VAV2: variants seen among roughly 807,000 people sequenced by gnomAD.
The protein encoded by VAV2 is vav guanine nucleotide exchange factor 2.
VAV2 carries 67 observed loss-of-function variants against 132.5 expected under a neutral mutation model. The ratio of observed to expected loss-of-function variants is 0.51; its 90% CI spans 0.42 to 0.62. The LOEUF is 0.62. Among genes scored for constraint, VAV2 ranks in the 20% least tolerant of loss-of-function variants. The pLI is 0.00. For synonymous variants in VAV2, 492 were observed against 443.5 expected, an observed-to-expected ratio of 1.11 and a Z score of -1.37; for missense variants, 938 against 1,153.6, an observed-to-expected ratio of 0.81 and a Z score of 2.71.
chr9:133,962,285 A>T (rs997507752), intron 1 of VAV2, among the ~76,000 whole-genome samples: 5 of 152,096 alleles, frequency 3.3e-5, no homozygotes, highest in Non-Finnish European at 5.9e-5. Context: ...GGGAAGCCCC[A>T]TCTTCTAGGA....
intron 2 of VAV2, among the ~76,000 whole-genome samples, chr9:133,894,497 C>T (rs895130248): frequency 4.6e-5 from 7 of 152,186 alleles, no homozygotes; most frequent in African/African-American, 7.2e-5. Context: ...GGAGAGGCCC[C>T]CAGAAACCCC....
At chr9:133,914,455 C>T (rs747284364) in intron 2 of VAV2, among the ~76,000 whole-genome samples, 2 of 149,910 alleles carry the variant, frequency 1.3e-5, no homozygotes, top group African/African-American at 2.5e-5. Flanking sequence ...GAACGAAGCG[C>T]TGACTTAGTG....
At chr9:133,933,994 G>A (rs1840807908) in intron 2 of VAV2, among the ~76,000 whole-genome samples, 1 of 149,664 alleles carries the variant, frequency 6.7e-6, no homozygotes, top group Admixed American at 6.6e-5. Flanking sequence ...GTGAATGGGT[G>A]GGTAGATGGA....
chr9:133,801,087 C>T (rs757958829), intron 9 of VAV2, among the ~76,000 whole-genome samples: 7 of 152,220 alleles, frequency 4.6e-5, no homozygotes, highest in South Asian at 2.1e-4. Flanking sequence ...GCACCCAGCC[C>T]GGAGCCTGCC....
At chr9:133,986,711 A>T (rs7031860) in intron 1 of VAV2, among the ~76,000 whole-genome samples, 1 of 152,012 alleles carries the variant, frequency 6.6e-6, no homozygotes, top group African/African-American at 2.4e-5. Context: ...TATCCCCCCC[A>T]AAAAAAGAAA....
At position 133,769,550 on chromosome 9, in the gene VAV2, C is replaced by T. The variant is rs752388589; in HGVS notation, c.2348-47G>A. 52 of 1,563,528 alleles carry T rather than the reference C, an allele frequency of 3.3e-5. No homozygotes were observed. The highest frequency in any genetic ancestry group is 9.4e-5 in the South Asian group (8 of 85,548). On this transcript the variant is annotated intron_variant, in intron 27 of 29. Coordinates refer to ENST00000371850, the MANE Select transcript of VAV2 (RefSeq NM_001134398.2). The surrounding 1 kb of genome is among the most constrained non-coding windows in gnomAD (Gnocchi z 8.1). The stretch of plus-strand genomic sequence containing the variant: ...CGTGAGGCGGGCAGCAGGGCATCCA[C>T]GCACAGTCACGGTGGGCACAGCTAC...
rs1435567601 is a variant in VAV2, at chr9:133,918,844, C to T, written c.321+20259G>A. ...AGGCTGAAGTGCAGTGGTGCGATCT[C>T]GGCTCACTGCAACCTCCGCCTCCTG... On this transcript the variant is annotated intron_variant, in intron 2 of 29. Coordinates refer to ENST00000371850, the MANE Select transcript of VAV2 (RefSeq NM_001134398.2). The surrounding 1 kb of genome is among the most constrained non-coding windows in gnomAD (Gnocchi z 4.7). Among the ~76,000 whole-genome samples, 1 of 152,032 alleles carries T rather than the reference C, an allele frequency of 6.6e-6. No individual in the cohort carries two copies. Among genetic ancestry groups the T allele is most frequent in the Non-Finnish European group, 1.5e-5 (1 of 68,008 alleles).
chr9:133,790,175 T>C (rs975951596), intron 13 of VAV2, among the ~76,000 whole-genome samples: 1 of 152,108 alleles, frequency 6.6e-6, no homozygotes, highest in African/African-American at 2.4e-5. Flanking sequence ...CATGCTGTTT[T>C]ATTCTTGTTG....
At chr9:133,860,935 C>T (rs1345397054) in intron 3 of VAV2, among the ~76,000 whole-genome samples, 1 of 152,148 alleles carries the variant, frequency 6.6e-6, no homozygotes, top group Non-Finnish European at 1.5e-5. Flanking sequence ...AATTCCTTGG[C>T]TTGGCTTGTC....
chr9:133,961,140 C>T lies in VAV2; in HGVS notation c.205-21921G>A, dbSNP rs539418779. On this transcript the variant is annotated intron_variant, in intron 1 of 29. Transcript: ENST00000371850. The surrounding 1 kb of genome is among the most constrained non-coding windows in gnomAD (Gnocchi z 4.1). ...CTGAGCGCTTTTAGTTAGCCCAACACGGACCAAGGCCACCTCGGCTTCATT... is the reference window on the plus strand; with the variant it reads ...CTGAGCGCTTTTAGTTAGCCCAACATGGACCAAGGCCACCTCGGCTTCATT... Among the ~76,000 whole-genome samples, 3 of 152,370 alleles carry T rather than the reference C, an allele frequency of 2.0e-5. No individual in the cohort carries two copies. The highest frequency in any genetic ancestry group is 1.9e-4 in the East Asian group (1 of 5,192).
In VAV2 at chr9:133,903,803, C is replaced by T. The variant is rs992933537; in HGVS notation, c.321+35300G>A. ...CCCTGGAGGGCAGAAAAATCCACTT[C>T]GTCAGGTCCACACTGAGACCCGGAG... On this transcript the variant is annotated intron_variant, in intron 2 of 29. Transcript: ENST00000371850. Among the ~76,000 whole-genome samples the T allele has an allele frequency of 2.4e-4, 37 of 152,236 alleles. No individual in the cohort carries two copies. In the South Asian group the frequency reaches 3.1e-3, roughly 13 times the overall value.
intron 17 of VAV2, among the ~76,000 whole-genome samples, chr9:133,784,957 C>A (rs746581558): frequency 1.3e-5 from 2 of 152,104 alleles, no homozygotes; most frequent in Non-Finnish European, 2.9e-5. Flanking sequence ...CTTCCATGAA[C>A]GCTTGAACTT....
rs1408709890 is a variant in VAV2, at chr9:133,896,077, G to A, written c.322-34645C>T. Among the ~76,000 whole-genome samples the A allele has an allele frequency of 1.3e-4, 11 of 83,990 alleles. 3 individuals are homozygous for A. The highest frequency in any genetic ancestry group is 1.6e-4 in the African/African-American group (3 of 18,334). 55.1% of individuals were successfully genotyped at this position (83,990 alleles called of 152,430 possible). A position where few individuals can be genotyped will look rare whatever the true frequency, so the allele number is the denominator to read the frequency against. On this transcript the variant is annotated intron_variant, in intron 2 of 29. Transcript: ENST00000371850. ...GGTTTTCCTAGGCAGAGGACCCTGCGGCCTTCCGCAGTGTTTGTGTCCCTG... is the reference window on the plus strand; with the variant it reads ...GGTTTTCCTAGGCAGAGGACCCTGCAGCCTTCCGCAGTGTTTGTGTCCCTG...
At chr9:133,818,026 C>A (rs12342452) in intron 4 of VAV2, among the ~76,000 whole-genome samples, 2 of 151,918 alleles carry the variant, frequency 1.3e-5, no homozygotes, top group Non-Finnish European at 2.9e-5. Context: ...CTCACCAGTG[C>A]GGACAGGTGT....
chr9:133,878,753 C>G (rs946823342), intron 2 of VAV2, among the ~76,000 whole-genome samples: 1 of 152,216 alleles, frequency 6.6e-6, no homozygotes, highest in African/African-American at 2.4e-5. Flanking sequence ...GCCACCCACA[C>G]CAGGGGGTCC....
At chr9:133,781,799 C>T (rs1446405957) in intron 19 of VAV2, among the ~76,000 whole-genome samples, 3 of 152,236 alleles carry the variant, frequency 2.0e-5, no homozygotes, top group African/African-American at 7.2e-5. Context: ...GGGGCAAGGA[C>T]ACAGGCCCCT....
intron 2 of VAV2, among the ~76,000 whole-genome samples, chr9:133,882,720 T>C (rs1324433918): frequency 6.6e-6 from 1 of 151,706 alleles, no homozygotes; most frequent in Non-Finnish European, 1.5e-5. Context: ...TGGCAGAGAG[T>C]GGACGCCAGA....
chr9:133,927,292 C>G (rs931313483), intron 2 of VAV2, among the ~76,000 whole-genome samples: 3 of 152,252 alleles, frequency 2.0e-5, no homozygotes, highest in Non-Finnish European at 2.9e-5. Flanking sequence ...GCCTCGGGAC[C>G]CTTCTCAGCT....
intron 20 of VAV2, 160 bp from the exon 21 acceptor site, chr9:133,780,099 C>A: frequency 2.1e-6 from 2 of 933,314 alleles, no homozygotes; most frequent in Non-Finnish European, 3.3e-6. Context: ...TATGGGACGC[C>A]CCCACCCTGG....
Sources: allele counts gnomAD v4.1 joint callset (sites outside exome capture counted in the v4.1 genomes callset), GRCh38; gene constraint gnomAD v4.1.1; non-coding constraint Gnocchi (gnomAD v3.1); transcripts MANE v1.5; gene names NCBI Gene and HGNC (gene_info 2026-07-23, HGNC 2026-07-21).